Variants in LCT observed in about 807,000 individuals in gnomAD.
LCT encodes the protein lactase, also known as lactase/phlorizin hydrolase.
In LCT, 90 loss-of-function variants were observed where a neutral mutation model predicts 173.0. The ratio of observed to expected loss-of-function variants is 0.52; its 90% CI spans 0.44 to 0.62. The LOEUF (loss-of-function observed/expected upper bound fraction) is 0.62, where lower values mean the gene tolerates loss of function less well. LCT is among the 20% of genes least tolerant of loss of function. LCT has a pLI of 0.00. For synonymous variants in LCT, 853 were observed against 957.6 expected (o/e 0.89, Z 2.02); for missense variants, 1,864 against 2,431.4 (o/e 0.77, Z 4.91).
chr2:135,826,654 A>G lies in LCT; in HGVS notation c.805-2651T>C, dbSNP rs1261156245. On this transcript the variant is annotated intron_variant, in intron 3 of 16. Coordinates refer to ENST00000264162, the MANE Select transcript of LCT (RefSeq NM_002299.4). ...CCATGCAGTGCCTCTGCTGCCTGTC[A>G]GAGGCACGCCACCTCCGCACAACAG... is the stretch of plus-strand genomic sequence containing the variant. Among the ~76,000 whole-genome samples the G allele has an allele frequency of 1.3e-5, 2 of 152,210 alleles. 1 individual carries two copies. Among genetic ancestry groups the G allele is most frequent in the African/African-American group, 4.8e-5 (2 of 41,462 alleles).
chr2:135,795,769 C>T (rs1325570979), intron 13 of LCT, among the ~76,000 whole-genome samples: 4 of 151,306 alleles, frequency 2.6e-5, no homozygotes, highest in Admixed American at 6.6e-5. Flanking sequence ...GACAGGGTCT[C>T]GCCCTGTCCT....
rs775399160 is a variant in LCT at position 135,817,708 on chromosome 2, C to T, written c.1340G>A (p.Arg447Gln). 4.2e-5 allele frequency: 68 copies of T among 1,613,848 alleles called. No individual in the cohort carries two copies. Among genetic ancestry groups the T allele is most frequent in the Non-Finnish European group, 5.5e-5 (65 of 1,180,044 alleles). The part of the protein sequence containing the change: ...ASDVALLCGL[R>Q]AQVYKFSISW... ...GATGGAGAACTTGTACACCTGAGCC[C>T]GGAGGCCGCAAAGCAGGGCGACGTC... Residue 447 changes from arginine (R) to glutamine (Q), a missense_variant, in exon 6 of 17, where the codon CGG becomes CAG. Coordinates refer to ENST00000264162, the MANE Select transcript of LCT (RefSeq NM_002299.4).
chr2:135,818,701 G>GCCACGC (rs2077802218), intron 5 of LCT, among the ~76,000 whole-genome samples: 1 of 152,230 alleles, frequency 6.6e-6, no homozygotes, highest in Admixed American at 6.5e-5. Context: ...GCCAGGCGTG[G>GCCACGC]TGGTGGGGGC....
rs1261071842 is a variant in LCT at position 135,800,628 on chromosome 2, C to T, written c.4845G>A (p.Glu1615=). The change falls in exon 12 of 17, where the codon GAG becomes GAA. Residue 1615 remains glutamate (E), a synonymous_variant. Coordinates refer to ENST00000264162, the MANE Select transcript of LCT (RefSeq NM_002299.4). ...AGACCTGAACATATCTCCTGGCTGC[C>T]TCCACATCCTCCTGGTTAGAGGGAT... ...PRDPSNQEDV[E]AARRYVQFMG... The T allele has an allele frequency of 7.4e-6, 12 of 1,612,398 alleles. No individual in the cohort carries two copies. Among genetic ancestry groups the T allele is most frequent in the Non-Finnish European group, 1.0e-5 (12 of 1,179,984 alleles).
At chr2:135,821,207 C>A (rs775134663) in intron 5 of LCT, among the ~76,000 whole-genome samples, 4 of 152,136 alleles carry the variant, frequency 2.6e-5, no homozygotes, top group Admixed American at 2.6e-4. Context: ...TAAAGCATAT[C>A]ATTTGCAAAC....
At chr2:135,814,246 C>T (rs138313838) in intron 6 of LCT, among the ~76,000 whole-genome samples, 1 of 152,194 alleles carries the variant, frequency 6.6e-6, no homozygotes. Context: ...CCCAAATATT[C>T]GTCTTTAGTT....
chr2:135,813,354 G>C (rs1463844733), intron 6 of LCT, among the ~76,000 whole-genome samples: 2 of 152,202 alleles, frequency 1.3e-5, no homozygotes, highest in East Asian at 3.9e-4. Flanking sequence ...ACACCAATGT[G>C]AAAAGGTCAA....
chr2:135,824,551 T>G (rs946845460), intron 3 of LCT, among the ~76,000 whole-genome samples: 2 of 152,084 alleles, frequency 1.3e-5, no homozygotes, highest in South Asian at 2.1e-4. Context: ...TAAAAAAAAT[T>G]TTTTTTAATT....
At chr2:135,830,523 A>G (rs1352800891) in intron 2 of LCT, among the ~76,000 whole-genome samples, 1 of 152,220 alleles carries the variant, frequency 6.6e-6, no homozygotes, top group Non-Finnish European at 1.5e-5. Flanking sequence ...CCTGGTCAGA[A>G]CCAAGTGCTC....
At chr2:135,813,642 G>C (rs904183830) in intron 6 of LCT, among the ~76,000 whole-genome samples, 1 of 152,206 alleles carries the variant, frequency 6.6e-6, no homozygotes, top group African/African-American at 2.4e-5. Flanking sequence ...AGAGTCAGGA[G>C]TAAAGTGAGA....
rs369013615 is a variant in LCT at position 135,809,357 on chromosome 2, A to G, written c.2990T>C (p.Val997Ala). 16 of 1,614,058 alleles carry G rather than the reference A, an allele frequency of 9.9e-6. No homozygotes were observed. Among genetic ancestry groups the G allele is most frequent in the African/African-American group, 2.7e-5 (2 of 74,916 alleles). Reference sequence around the variant, plus strand: ...ATTGATCAGCCTGTTGTAATAATCAACCCCATGACTGTTGATAGAGCTGTT... The same window carrying G: ...ATTGATCAGCCTGTTGTAATAATCAGCCCCATGACTGTTGATAGAGCTGTT... ...GRNSSINSHGVDYYNRLINGL... is the reference protein window; with the variant it reads ...GRNSSINSHGADYYNRLINGL... The change falls in exon 8 of 17, where the codon GTT becomes GCT. Residue 997 changes from valine (V) to alanine (A), a missense_variant. By Grantham distance (64) the Val-to-Ala change is moderately conservative. Around this residue, in one of 4 missense-constraint regions of LCT, gnomAD observed 755 missense variants for 926.3 expected, o/e 0.82. Transcript: ENST00000264162. The surrounding 1 kb of genome is among the most constrained non-coding windows in gnomAD (Gnocchi z 5.5).
chr2:135,835,484 A>G (rs555931449), intron 1 of LCT, among the ~76,000 whole-genome samples: 99 of 6,402 alleles, frequency 0.015, no homozygotes, highest in Non-Finnish European at 0.026. Context: ...ACATAGAAGT[A>G]TATATATATA....
intron 3 of LCT, among the ~76,000 whole-genome samples, chr2:135,824,817 A>AG (rs2077870690): frequency 3.9e-5 from 6 of 151,948 alleles, no homozygotes; most frequent in Admixed American, 2.0e-4. Context: ...AGCCTGATCA[A>AG]CATGGTGAAA....
chr2:135,826,041 C>G lies in LCT; in HGVS notation c.805-2038G>C, dbSNP rs183693244. On this transcript the variant is annotated intron_variant, in intron 3 of 16. Transcript: ENST00000264162. ...ATGAGACCACAATCCCAGGAAGGAA[C>G]AGTGTGCTCTCCAGCTCAGGGGTTG... 5.8e-4 allele frequency among the ~76,000 whole-genome samples: 88 copies of G among 152,352 alleles called. 1 individual carries two copies. Among genetic ancestry groups the G allele is most frequent in the African/African-American group, 2.0e-3 (83 of 41,586 alleles).
chr2:135,808,656 C>G lies in LCT; in HGVS notation c.3691G>C (p.Glu1231Gln). The change falls in exon 8 of 17, where the codon GAG (glutamate) becomes CAG (glutamine). Residue 1231 changes from glutamate to glutamine, a missense_variant. By Grantham distance (29) the Glu-to-Gln change is conservative (BLOSUM62 2). Coordinates refer to ENST00000264162, the MANE Select transcript of LCT (RefSeq NM_002299.4). Reference sequence around the variant, plus strand: ...GAAGGGTCCTCCTCCTCAGCCATCTCCTGGTCGTCTTCGTAGGAGGGTGGG... The same window carrying G: ...GAAGGGTCCTCCTCCTCAGCCATCTGCTGGTCGTCTTCGTAGGAGGGTGGG... ...LNPPSYEDDQ[E>Q]MAEEEDPSWP... The G allele has an allele frequency of 1.2e-6, 2 of 1,614,222 alleles. No individual in the cohort carries two copies. The highest frequency in any genetic ancestry group is 1.7e-6 in the Non-Finnish European group (2 of 1,180,040).
intron 16 of LCT, among the ~76,000 whole-genome samples, chr2:135,788,821 A>AT (rs1387203909): frequency 2.0e-5 from 3 of 152,146 alleles, no homozygotes; most frequent in East Asian, 1.9e-4. Flanking sequence ...CAGATTTGGG[A>AT]TTTTTTAAGA....
chr2:135,823,757 A>G, intron 4 of LCT, 144 bp downstream of exon 4: 1 of 711,072 alleles, frequency 1.4e-6, no homozygotes, highest in South Asian at 1.5e-5. Context: ...GGCATAGTAC[A>G]CTAACCCAGT....
intron 3 of LCT, among the ~76,000 whole-genome samples, chr2:135,826,178 G>C (rs937790677): frequency 6.6e-6 from 1 of 152,194 alleles, no homozygotes; most frequent in Non-Finnish European, 1.5e-5. Flanking sequence ...TGCTAAGTTT[G>C]TCCAGGGAGA....
chr2:135,793,435 C>G (rs1028043079), intron 14 of LCT, among the ~76,000 whole-genome samples: 23 of 152,170 alleles, frequency 1.5e-4, no homozygotes, highest in African/African-American at 5.5e-4. Context: ...AGCACCACAT[C>G]AAGGGATCAC....
Sources: allele counts gnomAD v4.1 joint callset (sites outside exome capture counted in the v4.1 genomes callset), GRCh38; gene constraint gnomAD v4.1.1; regional missense constraint gnomAD v4.1.1; non-coding constraint Gnocchi (gnomAD v3.1); transcripts MANE v1.5; gene names NCBI Gene and HGNC (gene_info 2026-07-23, HGNC 2026-07-21).